TNS1: variants seen among roughly 807,000 people sequenced by gnomAD.
TNS1 encodes the protein tensin 1.
A neutral mutation model predicts 168.6 loss-of-function variants in TNS1; 62 were observed. The ratio of observed to expected loss-of-function variants is 0.37; its 90% CI spans 0.30 to 0.45. The LOEUF (loss-of-function observed/expected upper bound fraction) is 0.45. Among genes scored for constraint, TNS1 ranks in the 20% least tolerant of loss-of-function variants. The pLI is 1.00. For missense variants in TNS1, 2,240 were observed against 2,339.4 expected, an observed-to-expected ratio of 0.96 and a Z score of 0.88; for synonymous variants, 934 against 933.2, an observed-to-expected ratio of 1.00 and a Z score of -0.02.
At chr2:217,924,482 T>C (rs1383696097) in intron 3 of TNS1, among the ~76,000 whole-genome samples, 1 of 152,202 alleles carries the variant, frequency 6.6e-6, no homozygotes, top group Non-Finnish European at 1.5e-5. Flanking sequence ...GCACATCTTA[T>C]CCGTCAAACT....
intron 22 of TNS1, among the ~76,000 whole-genome samples, chr2:217,823,490 T>C (rs1943182543): frequency 6.6e-6 from 1 of 152,212 alleles, no homozygotes; most frequent in African/African-American, 2.4e-5. Context: ...GCTTCCAGCC[T>C]TTGCTGCATA....
intron 4 of TNS1, among the ~76,000 whole-genome samples, chr2:217,909,669 G>A (rs776480391): frequency 6.6e-6 from 1 of 151,964 alleles, no homozygotes; most frequent in African/African-American, 2.4e-5. Flanking sequence ...ACAGGTCCCA[G>A]ATGCTTCTCC....
intron 18 of TNS1, among the ~76,000 whole-genome samples, chr2:217,854,171 G>A (rs555642010): frequency 1.3e-5 from 2 of 152,252 alleles, no homozygotes; most frequent in Admixed American, 1.3e-4. Flanking sequence ...AGAGAAACCC[G>A]CCCCAGCTGA....
At chr2:218,004,653 AGT>A (rs1283044144), upstream of TNS1, among the ~76,000 whole-genome samples, 5 of 152,234 alleles carry the variant, frequency 3.3e-5, no homozygotes, top group African/African-American at 1.2e-4. Context: ...AGGACACTGA[AGT>A]GAAGTGTCAA....
At chr2:217,820,458 A>T (rs1336379085) in intron 23 of TNS1, among the ~76,000 whole-genome samples, 1 of 152,168 alleles carries the variant, frequency 6.6e-6, no homozygotes, top group Non-Finnish European at 1.5e-5. Flanking sequence ...GCCTCTGCTC[A>T]TCTGCTCCCC....
At chr2:218,008,202 C>A (rs1216969586) in intron 1 of TNS1, among the ~76,000 whole-genome samples, 1 of 152,172 alleles carries the variant, frequency 6.6e-6, no homozygotes, top group Non-Finnish European at 1.5e-5. Context: ...AAGATCCTTC[C>A]CAGAGCTCTA....
At chr2:217,843,480 A>T (rs1002235279) in intron 19 of TNS1, among the ~76,000 whole-genome samples, 1 of 151,982 alleles carries the variant, frequency 6.6e-6, no homozygotes, top group Non-Finnish European at 1.5e-5. Flanking sequence ...CTCTCTTATC[A>T]CAAAACCACT....
upstream of TNS1, among the ~76,000 whole-genome samples, chr2:218,007,463 A>G (rs887057099): frequency 2.7e-5 from 4 of 150,456 alleles, no homozygotes; most frequent in African/African-American, 9.8e-5. Context: ...ATGTTCTTAC[A>G]GCAATACGGC....
intron 20 of TNS1, 139 bp from the exon 21 acceptor site, chr2:217,835,305 G>A: frequency 1.3e-6 from 1 of 745,620 alleles, no homozygotes; most frequent in Non-Finnish European, 2.1e-6. Context: ...CTGGTGCTCA[G>A]GGCAGGAGAC....
At chr2:217,954,361 G>C (rs577731731) in intron 3 of TNS1, among the ~76,000 whole-genome samples, 2 of 152,310 alleles carry the variant, frequency 1.3e-5, no homozygotes, top group African/African-American at 4.8e-5. Flanking sequence ...GAGATGCAGC[G>C]CAGCCAGCAT....
At chr2:217,814,502 C>G (rs79798163) in intron 25 of TNS1, among the ~76,000 whole-genome samples, 9,385 of 152,264 alleles carry the variant, frequency 0.062, 532 homozygotes, top group Admixed American at 0.17. Flanking sequence ...CCAGATTTGA[C>G]CCATGGGCTG....
chr2:217,881,422 C>T (rs1009912367), intron 17 of TNS1: 16 of 173,818 alleles, frequency 9.2e-5, no homozygotes, highest in African/African-American at 2.9e-4. Context: ...TTATGAGCTA[C>T]GTGGGATCAG....
At position 217,804,502 on chromosome 2, in the gene TNS1, T is replaced by G. The variant is rs61741262; in HGVS notation, c.5477A>C (p.Asn1826Thr). ...DPNQPASAIV[N>T]FVSKVMLNAG... ...ATTCAGCATGACCTTGGAGACGAAG[T>G]TGACGATGGCAGAGGCCGGCTGGTT... The change falls in exon 33 of 33, where the codon AAC (asparagine) becomes ACC (threonine). Residue 1826 changes from asparagine to threonine, a missense_variant. By Grantham distance (65) the Asn-to-Thr change is moderately conservative. Around this residue, in one of 2 missense-constraint regions of TNS1, gnomAD observed 109 missense variants for 168.1 expected, o/e 0.65. Transcript: ENST00000682258. The G allele has an allele frequency of 4.3e-6, 7 of 1,613,880 alleles. No homozygotes were observed. Among genetic ancestry groups the G allele is most frequent in the Non-Finnish European group, 5.9e-6 (7 of 1,179,944 alleles).
intron 3 of TNS1, 135 bp downstream of exon 3, chr2:217,978,630 C>T (rs1195616468): frequency 3.6e-6 from 2 of 558,452 alleles, no homozygotes; most frequent in Non-Finnish European, 6.4e-6. Flanking sequence ...GGCCCAGGCG[C>T]TTTGCATAAA....
intron 1 of TNS1, among the ~76,000 whole-genome samples, chr2:218,027,746 G>T (rs1158597531): frequency 6.6e-6 from 1 of 152,146 alleles, no homozygotes; most frequent in Non-Finnish European, 1.5e-5. Flanking sequence ...GGAAAGAGAA[G>T]GTGGCAGATG....
chr2:217,808,011 G>T (rs377297216), intron 32 of TNS1, 64 bp downstream of exon 32: 5 of 1,593,822 alleles, frequency 3.1e-6, no homozygotes, highest in Non-Finnish European at 3.4e-6. Context: ...AATGTGCCCC[G>T]TGCTTCCCTC....
chr2:217,862,063 A>C (rs1948829834), intron 18 of TNS1, among the ~76,000 whole-genome samples: 1 of 152,198 alleles, frequency 6.6e-6, no homozygotes, highest in Admixed American at 6.5e-5. Flanking sequence ...CCCAACACTG[A>C]TTACTGCCAA....
chr2:217,887,483 T>C (rs1016959981), intron 12 of TNS1, among the ~76,000 whole-genome samples: 10 of 152,164 alleles, frequency 6.6e-5, no homozygotes, highest in Admixed American at 2.6e-4. Flanking sequence ...TAATTTTGTA[T>C]TTTTAGTAGA....
chr2:217,973,533 T>C (rs1016561010), intron 3 of TNS1, among the ~76,000 whole-genome samples: 8 of 151,916 alleles, frequency 5.3e-5, no homozygotes, highest in African/African-American at 1.9e-4. Flanking sequence ...TAGAATGGGG[T>C]TTCCATGAAC....
Sources: gnomAD v4.1 joint callset for allele counts (sites outside exome capture counted in the v4.1 genomes callset) on GRCh38, gnomAD v4.1.1 for gene constraint, gnomAD v4.1.1 regional missense constraint, MANE v1.5 for transcripts, NCBI Gene and HGNC (gene_info 2026-07-23, HGNC 2026-07-21) for gene names.